Variants in ANO10 observed in about 807,000 individuals in gnomAD.
ANO10 encodes anoctamin 10.
ANO10 carries 77 observed loss-of-function variants against 74.7 expected under a neutral mutation model. The observed-to-expected ratio is 1.03, with a 90% CI of 0.86 to 1.25. The LOEUF (loss-of-function observed/expected upper bound fraction) is 1.25, where lower values mean the gene tolerates loss of function less well. ANO10 is among the 50% of genes most tolerant of loss of function. ANO10 has a pLI of 0.00. For synonymous variants in ANO10, 279 were observed against 284.9 expected, an observed-to-expected ratio of 0.98 and a Z score of 0.21; for missense variants, 721 against 778.1, an observed-to-expected ratio of 0.93 and a Z score of 0.87.
intron 11 of ANO10, among the ~76,000 whole-genome samples, chr3:43,488,623 C>T (rs1235465578): frequency 2.0e-5 from 3 of 149,100 alleles, no homozygotes; most frequent in East Asian, 2.0e-4. Flanking sequence ...CAATGAGATA[C>T]CATCTCACAC....
chr3:43,414,974 T>C (rs1359987942), intron 12 of ANO10, among the ~76,000 whole-genome samples: 1 of 139,712 alleles, frequency 7.2e-6, no homozygotes, highest in Non-Finnish European at 1.5e-5. Context: ...GTGCTTTTTT[T>C]TTTTTTTTTT....
At chr3:43,630,721 T>C (rs2083537269) in intron 1 of ANO10, among the ~76,000 whole-genome samples, 2 of 152,252 alleles carry the variant, frequency 1.3e-5, no homozygotes, top group Admixed American at 1.3e-4. Context: ...ATGAATCCTA[T>C]TGTGACCTCC....
intron 11 of ANO10, among the ~76,000 whole-genome samples, chr3:43,432,944 CTTTTTTTTTTTTTTTTTT>C (rs5848663): frequency 1.4e-4 from 8 of 55,286 alleles, no homozygotes; most frequent in South Asian, 1.0e-3. Flanking sequence ...TTGCTTAATT[CTTTTTTTTTTTTTTTTTT>C]TTTTTTTTTT....
At chr3:43,462,450 C>T (rs908764494) in intron 11 of ANO10, among the ~76,000 whole-genome samples, 38 of 152,054 alleles carry the variant, frequency 2.5e-4, no homozygotes, top group Non-Finnish European at 5.0e-4. Flanking sequence ...AGGCTGGTCT[C>T]GAACTCCTGA....
chr3:43,474,476 A>G (rs1024793494), intron 11 of ANO10, among the ~76,000 whole-genome samples: 1 of 152,192 alleles, frequency 6.6e-6, no homozygotes, highest in Non-Finnish European at 1.5e-5. Context: ...TTGACTTGTA[A>G]ATGTTTTAAA....
chr3:43,428,919 A>G (rs1211293509), intron 12 of ANO10, among the ~76,000 whole-genome samples: 2 of 152,112 alleles, frequency 1.3e-5, no homozygotes, highest in African/African-American at 2.4e-5. Context: ...TCCAAAATCT[A>G]AAACACTTCT....
At chr3:43,555,112 G>C (rs2079675634) in intron 10 of ANO10, among the ~76,000 whole-genome samples, 166 bp downstream of exon 10, 1 of 152,188 alleles carries the variant, frequency 6.6e-6, no homozygotes, top group Non-Finnish European at 1.5e-5. Context: ...AGTGAAGCTA[G>C]ACAAAGTTAA....
intron 11 of ANO10, among the ~76,000 whole-genome samples, chr3:43,520,714 C>T (rs1202483469): frequency 2.6e-5 from 4 of 152,076 alleles, no homozygotes; most frequent in South Asian, 2.1e-4. Flanking sequence ...AATGTGAGTG[C>T]GTGTACTATT....
rs149787310 is a variant in ANO10 at position 43,371,173 on chromosome 3, G to A, written c.1915-4199C>T. Among the ~76,000 whole-genome samples, 42 of 151,492 alleles carry A rather than the reference G, an allele frequency of 2.8e-4. No individual in the cohort carries two copies. In the East Asian group the frequency reaches 4.3e-3, roughly 15 times the overall value. On this transcript the variant is annotated intron_variant, in intron 12 of 12. Transcript: ENST00000292246. Reference sequence around the variant, plus strand: ...TTACCCCTTCTCACCCCTGCCCCCCGTCCCAAACCAAGACCTACAGAAGGA... The same window carrying A: ...TTACCCCTTCTCACCCCTGCCCCCCATCCCAAACCAAGACCTACAGAAGGA...
intron 12 of ANO10, among the ~76,000 whole-genome samples, chr3:43,428,795 G>GAAAAAAAAAAAAAAAAA (rs1245373022): frequency 2.9e-4 from 1 of 3,414 alleles, no homozygotes; most frequent in Non-Finnish European, 1.3e-3. Flanking sequence ...CTTTGTGAAT[G>GAAAAAAAAAAAAAAAAA]CAAAAAAAAA....
Position 43,656,422 on chromosome 3 carries a change from G to A in ANO10, c.-12+35095C>T, listed in dbSNP as rs571869518. 5.9e-5 allele frequency among the ~76,000 whole-genome samples: 9 copies of A among 152,340 alleles called. No individual in the cohort carries two copies. In the East Asian group the frequency reaches 9.7e-4, roughly 16 times the overall value. Reference sequence around the variant, plus strand: ...GCTGCCTGCCAGTCCTGTGCCGTGCGCTCGCACTCCTCAGCCCTTGGGTGG... The same window carrying A: ...GCTGCCTGCCAGTCCTGTGCCGTGCACTCGCACTCCTCAGCCCTTGGGTGG... On this transcript the variant is annotated intron_variant, in intron 1 of 3. Coordinates refer to the ANO10 transcript ENST00000413397.
Position 43,494,468 on chromosome 3 carries a change from A to G in ANO10, c.1797+55252T>C, listed in dbSNP as rs182560708. On this transcript the variant is annotated intron_variant, in intron 11 of 12. Coordinates refer to ENST00000292246, the MANE Select transcript of ANO10 (RefSeq NM_018075.5). The stretch of plus-strand genomic sequence containing the variant: ...AACTCCATCTCAAAAAATAAAAAAT[A>G]GAATGAATAAATAAATAAATAGTAT... Among the ~76,000 whole-genome samples, 427 of 152,310 alleles carry G rather than the reference A, an allele frequency of 2.8e-3. 2 individuals are homozygous for G. The highest frequency in any genetic ancestry group is 4.3e-3 in the Non-Finnish European group (290 of 68,020).
intron 1 of ANO10, among the ~76,000 whole-genome samples, chr3:43,618,840 C>T (rs896978841): frequency 5.3e-5 from 8 of 151,854 alleles, no homozygotes; most frequent in Admixed American, 5.2e-4. Context: ...CTCGCTCTGT[C>T]GCCCAGGCTG....
intron 12 of ANO10, among the ~76,000 whole-genome samples, chr3:43,407,250 AT>A (rs1310604504): frequency 6.6e-6 from 1 of 152,144 alleles, no homozygotes; most frequent in African/African-American, 2.4e-5. Flanking sequence ...TGTCCATTTA[AT>A]GATGAGAATA....
chr3:43,489,983 G>A (rs2076655606), intron 11 of ANO10, among the ~76,000 whole-genome samples: 1 of 152,196 alleles, frequency 6.6e-6, no homozygotes. Flanking sequence ...GAATAAGCCT[G>A]TAACAGTATC....
At chr3:43,636,991 T>C in intron 1 of ANO10, among the ~76,000 whole-genome samples, 1 of 151,766 alleles carries the variant, frequency 6.6e-6, no homozygotes, top group Non-Finnish European at 1.5e-5. Flanking sequence ...GATGAGACTC[T>C]GTCTCCACAA....
chr3:43,634,553 T>G (rs1307077254), intron 1 of ANO10, among the ~76,000 whole-genome samples: 1 of 152,162 alleles, frequency 6.6e-6, no homozygotes, highest in Non-Finnish European at 1.5e-5. Context: ...CTGAAATTCT[T>G]GTCCTACACA....
intron 11 of ANO10, among the ~76,000 whole-genome samples, chr3:43,482,075 C>T (rs927881273): frequency 2.0e-5 from 3 of 151,702 alleles, no homozygotes; most frequent in African/African-American, 4.8e-5. Context: ...ACTACAGGTG[C>T]GTGCCACCAC....
chr3:43,622,240 G>A (rs1022204514), upstream of ANO10, among the ~76,000 whole-genome samples: 1 of 152,214 alleles, frequency 6.6e-6, no homozygotes, highest in Non-Finnish European at 1.5e-5. Flanking sequence ...TTGGGCTGTC[G>A]CCTGGAACAG....
Sources: allele counts gnomAD v4.1 joint callset (sites outside exome capture counted in the v4.1 genomes callset), GRCh38; gene constraint gnomAD v4.1.1; transcripts MANE v1.5; gene names NCBI Gene and HGNC (gene_info 2026-07-23, HGNC 2026-07-21).